Variants in KSR2 observed in about 807,000 individuals in gnomAD.
KSR2 encodes the protein kinase suppressor of ras 2.
Under a neutral mutation model 107.8 loss-of-function variants are expected in KSR2, and 25 were observed. The observed-to-expected ratio is 0.23, with a 90% confidence interval of 0.17 to 0.32. The LOEUF (loss-of-function observed/expected upper bound fraction) is 0.32. Among genes scored for constraint, KSR2 ranks in the 10% least tolerant of loss-of-function variants. KSR2 has a pLI of 1.00. For missense variants in KSR2, 887 were observed against 1,268.9 expected, an observed-to-expected ratio of 0.70 and a Z score of 4.57; for synonymous variants, 480 against 507.0, an observed-to-expected ratio of 0.95 and a Z score of 0.71.
Position 117,458,273 on chromosome 12 carries a change from T to C in KSR2, c.*8926A>G, listed in dbSNP as rs1184109174. On this transcript the variant is annotated 3_prime_UTR_variant, in exon 20 of 20. Coordinates refer to ENST00000339824, the MANE Select transcript of KSR2 (RefSeq NM_173598.6). Reference sequence around the variant, plus strand: ...CCTTGTTCATCCTGTCGCCCACCACTCAGAAAAGGCCTCTGGTTATTGTTG... The same window carrying C: ...CCTTGTTCATCCTGTCGCCCACCACCCAGAAAAGGCCTCTGGTTATTGTTG... 3.3e-5 allele frequency: 5 copies of C among 152,204 alleles called. No individual in the cohort carries two copies. The highest frequency in any genetic ancestry group is 5.9e-5 in the Non-Finnish European group (4 of 68,048). The allele number at this position is 152,204 out of a possible 1,614,324, so 9.4% of individuals were successfully genotyped here. A position where few individuals can be genotyped will look rare whatever the true frequency, so the allele number is the denominator to read the frequency against.
intron 3 of KSR2, among the ~76,000 whole-genome samples, chr12:117,783,620 C>G (rs558687478): frequency 1.8e-4 from 28 of 152,336 alleles, no homozygotes; most frequent in Non-Finnish European, 2.9e-4. Context: ...AAGTCAATGA[C>G]AGCAGGTGGG....
At chr12:117,913,394 C>T (rs531916892) in intron 1 of KSR2, among the ~76,000 whole-genome samples, 1 of 152,184 alleles carries the variant, frequency 6.6e-6, no homozygotes, top group African/African-American at 2.4e-5. Flanking sequence ...CCCTGTCCAT[C>T]CCACCATAGT....
intron 10 of KSR2, among the ~76,000 whole-genome samples, chr12:117,537,133 A>G (rs1876108940): frequency 6.6e-6 from 1 of 152,202 alleles, no homozygotes; most frequent in African/African-American, 2.4e-5. Flanking sequence ...GAATTGCTTG[A>G]ACCCGGGAGG....
At chr12:117,534,335 TC>T (rs1875880949) in intron 10 of KSR2, among the ~76,000 whole-genome samples, 1 of 152,152 alleles carries the variant, frequency 6.6e-6, no homozygotes, top group Admixed American at 6.5e-5. Flanking sequence ...GAGGCCACTT[TC>T]CCTTGTTTAT....
At chr12:117,827,535 T>C (rs1944501356) in intron 3 of KSR2, among the ~76,000 whole-genome samples, 1 of 152,240 alleles carries the variant, frequency 6.6e-6, no homozygotes, top group South Asian at 2.1e-4. Context: ...AAAGTCATTG[T>C]GAGGAATAAA....
At chr12:117,783,277 G>T (rs914026769) in intron 3 of KSR2, among the ~76,000 whole-genome samples, 5 of 152,184 alleles carry the variant, frequency 3.3e-5, no homozygotes, top group Admixed American at 3.3e-4. Context: ...GACCCCAAGG[G>T]TCCCATAGTG....
At chr12:117,482,044 C>T (rs1230959157) in intron 16 of KSR2, among the ~76,000 whole-genome samples, 2 of 152,140 alleles carry the variant, frequency 1.3e-5, no homozygotes, top group Non-Finnish European at 2.9e-5. Flanking sequence ...TCATGGGACA[C>T]CCCAGAGTTC....
At chr12:117,645,913 GTA>G (rs1403943585) in intron 5 of KSR2, among the ~76,000 whole-genome samples, 82 of 128,708 alleles carry the variant, frequency 6.4e-4, no homozygotes, top group African/African-American at 2.6e-3. Context: ...GTGTGTGTGT[GTA>G]CAGCTGTCCT....
At chr12:117,895,112 C>T (rs1022820475) in intron 1 of KSR2, among the ~76,000 whole-genome samples, 2 of 151,970 alleles carry the variant, frequency 1.3e-5, no homozygotes, top group African/African-American at 4.8e-5. Context: ...AAACCTGTGC[C>T]TGTAGTTCCA....
chr12:117,865,826 T>C (rs569117739), intron 1 of KSR2, among the ~76,000 whole-genome samples: 3 of 152,324 alleles, frequency 2.0e-5, no homozygotes, highest in East Asian at 3.9e-4. Context: ...TGGAGAATAG[T>C]AGTGTTTCCC....
intron 14 of KSR2, among the ~76,000 whole-genome samples, chr12:117,499,680 T>G (rs543113167): frequency 6.6e-6 from 1 of 152,226 alleles, no homozygotes; most frequent in South Asian, 2.1e-4. Flanking sequence ...ACACAACAAA[T>G]GCTTGGTGAT....
intron 14 of KSR2, among the ~76,000 whole-genome samples, chr12:117,486,983 G>A (rs1872501321): frequency 1.3e-5 from 2 of 151,396 alleles, no homozygotes; most frequent in Non-Finnish European, 2.9e-5. Context: ...TAGTGGCTGT[G>A]TGACCTTGGG....
chr12:117,500,492 G>A (rs1257897664), intron 14 of KSR2, among the ~76,000 whole-genome samples: 1 of 152,194 alleles, frequency 6.6e-6, no homozygotes, highest in Admixed American at 6.5e-5. Flanking sequence ...TGGGGAAACT[G>A]AGACTCAAGG....
chr12:117,883,924 G>C (rs1894101197), intron 1 of KSR2, among the ~76,000 whole-genome samples: 1 of 151,914 alleles, frequency 6.6e-6, no homozygotes, highest in African/African-American at 2.4e-5. Context: ...CAGAGACAGG[G>C]GCTGGGTCAA....
chr12:117,550,584 G>A (rs1447671710), intron 9 of KSR2, among the ~76,000 whole-genome samples: 1 of 152,194 alleles, frequency 6.6e-6, no homozygotes, highest in Non-Finnish European at 1.5e-5. Context: ...TTAGGAAGAA[G>A]AGCAGAGAGC....
At chr12:117,570,009 T>TA (rs1878773864) in intron 7 of KSR2, among the ~76,000 whole-genome samples, 1 of 151,876 alleles carries the variant, frequency 6.6e-6, no homozygotes, top group Non-Finnish European at 1.5e-5. Flanking sequence ...GCAGACTTTT[T>TA]TTTTTTTTTT....
chr12:117,506,156 T>C (rs1468064821), intron 14 of KSR2, among the ~76,000 whole-genome samples: 4 of 152,208 alleles, frequency 2.6e-5, no homozygotes, highest in African/African-American at 4.8e-5. Flanking sequence ...CAGATCTTGA[T>C]CCTCTACCAC....
intron 5 of KSR2, among the ~76,000 whole-genome samples, chr12:117,592,612 A>C (rs1880393863): frequency 6.6e-6 from 1 of 152,206 alleles, no homozygotes; most frequent in Non-Finnish European, 1.5e-5. Flanking sequence ...GCCTCAATTA[A>C]GTTTCATTGC....
At chr12:117,949,772 T>C (rs1896305858) in intron 1 of KSR2, among the ~76,000 whole-genome samples, 1 of 152,214 alleles carries the variant, frequency 6.6e-6, no homozygotes, top group Admixed American at 6.5e-5. Context: ...GAGAATTAGC[T>C]ACATGATGGT....
Sources: allele counts gnomAD v4.1 joint callset (sites outside exome capture counted in the v4.1 genomes callset), GRCh38; gene constraint gnomAD v4.1.1; transcripts MANE v1.5; gene names NCBI Gene and HGNC (gene_info 2026-07-23, HGNC 2026-07-21).